Variants in MS4A6A observed in about 807,000 individuals in gnomAD.
The protein encoded by MS4A6A is membrane-spanning 4-domains subfamily A member 6A.
Under a neutral mutation model 20.6 loss-of-function variants are expected in MS4A6A, and 19 were observed. The observed-to-expected ratio is 0.92, with a 90% CI of 0.64 to 1.36. MS4A6A has a LOEUF of 1.36. MS4A6A is among the 40% of genes most tolerant of loss of function. The pLI, the probability that MS4A6A is intolerant of heterozygous loss-of-function variation, is 0.00. For missense variants in MS4A6A, 272 were observed against 261.1 expected (o/e 1.04, Z -0.29); for synonymous variants, 108 against 105.0 (o/e 1.03, Z -0.17).
At chr11:60,182,457 A>G (rs1238127830) in intron 1 of MS4A6A, 1 of 152,236 alleles carries the variant, frequency 6.6e-6, no homozygotes, top group African/African-American at 2.4e-5. Context: ...AAGCCTTTGC[A>G]TAAATCTCTA....
At chr11:60,178,483 CA>C (rs1482109774) in intron 3 of MS4A6A, 167 bp from the exon 4 acceptor site, 1 of 507,684 alleles carries the variant, frequency 2.0e-6, no homozygotes, top group Non-Finnish European at 3.5e-6. Context: ...GTCCATATAA[CA>C]TTCAGATAAC....
intron 1 of MS4A6A, 152 bp downstream of exon 1, chr11:60,182,825 TA>T (rs1256006399): frequency 4.1e-6 from 1 of 244,616 alleles, no homozygotes; most frequent in Non-Finnish European, 7.6e-6. Context: ...GACACAGAGT[TA>T]AAAACAGATA....
At chr11:60,173,677 C>A (rs2134758965) in intron 5 of MS4A6A, among the ~76,000 whole-genome samples, 1 of 152,250 alleles carries the variant, frequency 6.6e-6, no homozygotes, top group South Asian at 2.1e-4. Context: ...TATCTGAACC[C>A]CTTTGTATTT....
intron 2 of MS4A6A, chr11:60,180,641 C>T (rs1857084793): frequency 6.0e-6 from 1 of 167,268 alleles, no homozygotes; most frequent in African/African-American, 2.4e-5. Context: ...TCCTCTCTCT[C>T]CTCCCACCCT....
chr11:60,179,496 T>A, intron 3 of MS4A6A: 1 of 584,620 alleles, frequency 1.7e-6, no homozygotes, highest in Non-Finnish European at 3.0e-6. Flanking sequence ...TGCTCTTTTT[T>A]TTTTTTGTAT....
intron 4 of MS4A6A, chr11:60,176,869 T>A (rs1197007243): frequency 6.6e-6 from 1 of 152,162 alleles, no homozygotes; most frequent in Non-Finnish European, 1.5e-5. Flanking sequence ...CGAGACCACA[T>A]CCTGCATCCT....
In MS4A6A at chr11:60,174,746, C is replaced by T. The variant is rs544580285; in HGVS notation, c.549+656G>A. The stretch of plus-strand genomic sequence containing the variant: ...CCAAACTTCATTATTTTTCTTCTTC[C>T]AAAGAGATAGAATTCTCCTGCAATC... On this transcript the variant is annotated intron_variant, in intron 5 of 5. Transcript: ENST00000528851. Among the ~76,000 whole-genome samples, 2 of 152,190 alleles carry T rather than the reference C, an allele frequency of 1.3e-5. 1 individual carries two copies. Among genetic ancestry groups the T allele is most frequent in the African/African-American group, 4.8e-5 (2 of 41,532 alleles).
intron 2 of MS4A6A, 167 bp from the exon 3 acceptor site, chr11:60,180,132 G>A: frequency 1.4e-6 from 1 of 690,716 alleles, no homozygotes; most frequent in Non-Finnish European, 2.4e-6. Context: ...ACATCCTGGA[G>A]GGTGTGCAGC....
intron 2 of MS4A6A, chr11:60,180,464 C>T: frequency 6.3e-6 from 1 of 159,124 alleles, no homozygotes; most frequent in Non-Finnish European, 1.4e-5. Context: ...AGTTCACAAC[C>T]CTATAGCTGA....
At chr11:60,173,529 T>A (rs548338218) in intron 5 of MS4A6A, among the ~76,000 whole-genome samples, 1 of 152,262 alleles carries the variant, frequency 6.6e-6, no homozygotes, top group South Asian at 2.1e-4. Context: ...TGGACAAGTC[T>A]CTCTCTTTCT....
At chr11:60,183,571 T>C (rs944193569), upstream of MS4A6A, among the ~76,000 whole-genome samples, 9 of 152,200 alleles carry the variant, frequency 5.9e-5, no homozygotes, top group Non-Finnish European at 1.0e-4. Flanking sequence ...ATATAGCTAA[T>C]AGTAATATAG....
intron 3 of MS4A6A, chr11:60,179,487 GCT>G: frequency 1.7e-6 from 1 of 583,008 alleles, no homozygotes; most frequent in Non-Finnish European, 3.0e-6. Flanking sequence ...TTCCATTTAT[GCT>G]CTTTTTTTTT....
intron 2 of MS4A6A, chr11:60,180,853 T>C (rs1195296342): frequency 3.1e-6 from 1 of 324,466 alleles, no homozygotes; most frequent in Non-Finnish European, 6.0e-6. Flanking sequence ...TCTATTATCA[T>C]TTACCAAAAA....
rs17852114 is a variant in MS4A6A, at chr11:60,173,124, A to G, written c.555T>C (p.Thr185=). 4 of 1,612,130 alleles carry G rather than the reference A, an allele frequency of 2.5e-6. No homozygotes were observed. In the South Asian group the frequency reaches 4.4e-5, roughly 18 times the overall value. Reference sequence around the variant, plus strand: ...GAGTGCAAATCAGCATCAGAGAGAGAGTTCCCTGAAAGTCAAGAAATAAAA... The same window carrying G: ...GAGTGCAAATCAGCATCAGAGAGAGGGTTCCCTGAAAGTCAAGAAATAAAA... ...CYTAKASLAG[T]LSLMLICTLL... The change falls in exon 6 of 6, where the codon ACT becomes ACC. Residue 185 remains threonine (T), a synonymous_variant. Transcript: ENST00000528851.
At chr11:60,171,958 T>C, downstream of MS4A6A, 1 of 461,222 alleles carries the variant, frequency 2.2e-6, no homozygotes, top group Admixed American at 3.6e-5. Context: ...CCCCGTGCTT[T>C]TGCTGAAGTC....
rs201213606 is a variant in MS4A6A, at chr11:60,173,078, C to T, written c.601G>A (p.Val201Met). 6.2e-7 allele frequency: 1 copy of T among 1,614,140 alleles called. No homozygotes were observed. Among genetic ancestry groups the T allele is most frequent in the South Asian group, 1.1e-5 (1 of 91,090 alleles). ...TTCCACCGCAGCACAGCAGTGAGCA[C>T]AGCTAGGCAGAATTCCAGCAGAGTG... ...ICTLLEFCLA[V>M]LTAVLRWKQA... is the part of the protein sequence containing the mutation. Residue 201 changes from valine to methionine, a missense_variant, in exon 6 of 6, where the codon GTG becomes ATG. Physicochemically the swap from Val to Met is conservative, Grantham distance 21 (BLOSUM62 1). Coordinates refer to ENST00000528851, the MANE Select transcript of MS4A6A (RefSeq NM_022349.4).
chr11:60,182,569 T>A (rs960932738), intron 1 of MS4A6A: 2 of 152,340 alleles, frequency 1.3e-5, no homozygotes, highest in East Asian at 3.8e-4. Flanking sequence ...TGAGAACAAG[T>A]CTTGGACTCA....
Position 60,180,700 on chromosome 11 carries a change from T to G in MS4A6A, c.148-735A>C, listed in dbSNP as rs1196555173. ...TGCATTGTTCTGTTCTACGTGTCCA[T>G]GTGTTCTCATCATTTAGAGGCCATC... On this transcript the variant is annotated intron_variant, in intron 2 of 5. Coordinates refer to ENST00000528851, the MANE Select transcript of MS4A6A (RefSeq NM_022349.4). The G allele has an allele frequency of 1.3e-5, 3 of 223,662 alleles. No individual in the cohort carries two copies. The Admixed American group carries it at 1.6e-4, about 12-fold the overall frequency. The allele number at this position is 223,662 out of a possible 1,614,324, so 13.9% of individuals were successfully genotyped here.
chr11:60,181,545 C>T (rs748280113), intron 2 of MS4A6A, 36 bp downstream of exon 2: 11 of 1,612,142 alleles, frequency 6.8e-6, no homozygotes, highest in Middle Eastern at 1.7e-4. Context: ...GGCACTTCCC[C>T]CAACCCCTCT....
Sources: allele counts gnomAD v4.1 joint callset (sites outside exome capture counted in the v4.1 genomes callset), GRCh38; gene constraint gnomAD v4.1.1; transcripts MANE v1.5; gene names NCBI Gene and HGNC (gene_info 2026-07-23, HGNC 2026-07-21).